Variants in N4BP3 observed in about 807,000 individuals in gnomAD.
The protein encoded by N4BP3 is NEDD4 binding protein 3, also known as NEDD4-binding protein 3.
N4BP3 carries 33 observed loss-of-function variants against 43.8 expected under a neutral mutation model. The observed-to-expected ratio is 0.75, with a 90% CI of 0.57 to 1.01. The LOEUF (loss-of-function observed/expected upper bound fraction) is 1.01, where lower values mean the gene tolerates loss of function less well. Ranked by LOEUF, N4BP3 falls within the 50% of genes least tolerant of loss-of-function variation. The pLI is 0.00. For missense variants in N4BP3, 756 were observed against 744.2 expected, an observed-to-expected ratio of 1.02 and a Z score of -0.18; for synonymous variants, 326 against 321.9, an observed-to-expected ratio of 1.01 and a Z score of -0.14.
chr5:178,114,503 A>G (rs547709673), intron 1 of N4BP3, among the ~76,000 whole-genome samples: 2 of 152,286 alleles, frequency 1.3e-5, no homozygotes, highest in Admixed American at 1.3e-4. Flanking sequence ...AGCCGAAATC[A>G]GGGCCCTGGC....
rs775502219 is a variant in N4BP3 at position 178,121,557 on chromosome 5, G to A, written c.1191G>A (p.Glu397=). The A allele has an allele frequency of 5.6e-5, 91 of 1,613,638 alleles. No homozygotes were observed. The highest frequency in any genetic ancestry group is 7.5e-5 in the Non-Finnish European group (89 of 1,180,020). Residue 397 remains glutamate, a synonymous_variant, in exon 5 of 5, where the codon GAG becomes GAA. Coordinates refer to ENST00000274605, the MANE Select transcript of N4BP3 (RefSeq NM_015111.2). ...CGGAACTGGCCCAGAAGCTGGCGGA[G>A]ATCTTCAGTCTGAAGACACAACTTC... ...AQAELAQKLA[E]IFSLKTQLRG...
At position 178,121,754 on chromosome 5, in the gene N4BP3, A is replaced by G. The variant is rs1348686558; in HGVS notation, c.1388A>G (p.Asp463Gly). The G allele has an allele frequency of 6.2e-7, 1 of 1,608,230 alleles. No homozygotes were observed. Among genetic ancestry groups the G allele is most frequent in the Non-Finnish European group, 8.5e-7 (1 of 1,179,778 alleles). Reference protein sequence around the residue: ...LGEAGGSEARDSAEQLRAELL... With the variant: ...LGEAGGSEARGSAEQLRAELL... ...GAGGCAGGAGGCAGCGAGGCCAGAG[A>G]CAGTGCTGAGCAGCTGCGGGCTGAG... is the stretch of plus-strand genomic sequence containing the variant. Residue 463 changes from aspartate to glycine, a missense_variant, in exon 5 of 5, where the codon GAC becomes GGC. Physicochemically the swap from Asp to Gly is moderately conservative, Grantham distance 94. Transcript: ENST00000274605.
In N4BP3 at chr5:178,122,819, G is replaced by T. The variant is rs1465041386; in HGVS notation, c.*818G>T. 2 of 152,170 alleles carry T rather than the reference G, an allele frequency of 1.3e-5. No homozygotes were observed. Among genetic ancestry groups the T allele is most frequent in the Non-Finnish European group, 2.9e-5 (2 of 68,040 alleles). The allele number at this position is 152,170 out of a possible 1,614,324, so 9.4% of individuals were successfully genotyped here. ...CCTGTCTCCCTCCCTCCCTCCATAG[G>T]AGTGGGGGGCCCCTAGAAGTGCTCT... is the stretch of plus-strand genomic sequence containing the variant. On this transcript the variant is annotated 3_prime_UTR_variant, in exon 5 of 5. Coordinates refer to ENST00000274605, the MANE Select transcript of N4BP3 (RefSeq NM_015111.2).
chr5:178,114,418 AG>A (rs1757723220), intron 1 of N4BP3, among the ~76,000 whole-genome samples: 2 of 152,018 alleles, frequency 1.3e-5, no homozygotes, highest in Admixed American at 6.5e-5. Flanking sequence ...GGACATTCCT[AG>A]GTCTTGACCG....
rs373000303 is a variant in N4BP3 at position 178,120,492 on chromosome 5, T to A, written c.645T>A (p.Leu215=). ...PSPFSSSLGH[L]NHLGGSLDRA... is the part of the protein sequence containing the mutation. The stretch of plus-strand genomic sequence containing the variant: ...CCTTCAGCTCCTCCCTTGGCCACCT[T>A]AACCACCTCGGGGGCTCCCTGGACC... The change falls in exon 3 of 5, where the codon CTT becomes CTA. Residue 215 remains leucine (L), a synonymous_variant. Coordinates refer to ENST00000274605, the MANE Select transcript of N4BP3 (RefSeq NM_015111.2). 1 of 1,612,930 alleles carries A rather than the reference T, an allele frequency of 6.2e-7. No homozygotes were observed. Among genetic ancestry groups the A allele is most frequent in the Non-Finnish European group, 8.5e-7 (1 of 1,179,998 alleles).
Position 178,120,389 on chromosome 5 carries a change from G to A in N4BP3, c.542G>A (p.Gly181Asp). The part of the protein sequence containing the change: ...LLHALSLDEG[G>D]PEPEPSLSDS... ...CACGCCCTCAGCCTAGATGAGGGCGGCCCTGAGCCCGAGCCCAGCCTGTCC... is the reference window on the plus strand; with the variant it reads ...CACGCCCTCAGCCTAGATGAGGGCGACCCTGAGCCCGAGCCCAGCCTGTCC... The change falls in exon 3 of 5, where the codon GGC becomes GAC. Residue 181 changes from glycine to aspartate, a missense_variant. Coordinates refer to ENST00000274605, the MANE Select transcript of N4BP3 (RefSeq NM_015111.2). The A allele has an allele frequency of 6.2e-7, 1 of 1,612,772 alleles. No homozygotes were observed. The highest frequency in any genetic ancestry group is 8.5e-7 in the Non-Finnish European group (1 of 1,179,900).
chr5:178,115,980 T>A (rs2113283641), intron 1 of N4BP3, among the ~76,000 whole-genome samples: 1 of 152,276 alleles, frequency 6.6e-6, no homozygotes, highest in Non-Finnish European at 1.5e-5. Flanking sequence ...GTGGCTTGAA[T>A]GTCCCAGCCC....
Position 178,121,512 on chromosome 5 carries a change from G to A in N4BP3, c.1146G>A (p.Gln382=), listed in dbSNP as rs778618278. The change falls in exon 5 of 5, where the codon CAG becomes CAA. Residue 382 remains glutamine, a synonymous_variant. Transcript: ENST00000274605. ...QKTAEISLLK[Q]QLREAQAELA... ...CAGCAGAGATTAGCCTCTTGAAGCA[G>A]CAGCTGCGTGAAGCCCAGGCGGAAC... The A allele has an allele frequency of 7.4e-6, 12 of 1,613,842 alleles. No homozygotes were observed. The highest frequency in any genetic ancestry group is 1.0e-5 in the Non-Finnish European group (12 of 1,180,036).
chr5:178,120,136 C>A, intron 2 of N4BP3, 42 bp from the exon 3 acceptor site: 1 of 1,527,318 alleles, frequency 6.5e-7, no homozygotes, highest in African/African-American at 1.4e-5. Flanking sequence ...AGGCAGCTGC[C>A]CAGGTCTCAC....
chr5:178,117,742 A>G (rs2113293117), intron 1 of N4BP3, among the ~76,000 whole-genome samples: 1 of 136,412 alleles, frequency 7.3e-6, no homozygotes, highest in Admixed American at 7.4e-5. Context: ...TGCATCTCCT[A>G]TGTAGCCTGC....
chr5:178,123,024 G>A lies in N4BP3; in HGVS notation c.*1023G>A, dbSNP rs1442010474. 1 of 152,304 alleles carries A rather than the reference G, an allele frequency of 6.6e-6. No individual in the cohort carries two copies. Among genetic ancestry groups the A allele is most frequent in the African/African-American group, 2.4e-5 (1 of 41,450 alleles). The allele number at this position is 152,304 out of a possible 1,614,324, so 9.4% of individuals were successfully genotyped here. The stretch of plus-strand genomic sequence containing the variant: ...ATTTGCATTCTGGAAAGCTCTCCCA[G>A]GAGGAAGCATTCCCCACCCCACCTT... On this transcript the variant is annotated 3_prime_UTR_variant, in exon 5 of 5. Transcript: ENST00000274605.
In N4BP3 at chr5:178,125,730, A is replaced by G. The variant is rs531860369; in HGVS notation, c.*3729A>G. The G allele has an allele frequency of 6.6e-6, 1 of 152,200 alleles. No homozygotes were observed. The highest frequency in any genetic ancestry group is 2.4e-5 in the African/African-American group (1 of 41,424). The allele number at this position is 152,200 out of a possible 1,614,324, so 9.4% of individuals were successfully genotyped here. A position where few individuals can be genotyped will look rare whatever the true frequency, so the allele number is the denominator to read the frequency against. The stretch of plus-strand genomic sequence containing the variant: ...CATGGTTTCATTTTGCTTTGGGCTT[A>G]CTTAGAGTTTTGGCAAATGCAGAGT... On this transcript the variant is annotated 3_prime_UTR_variant, in exon 5 of 5. Coordinates refer to ENST00000274605, the MANE Select transcript of N4BP3 (RefSeq NM_015111.2).
chr5:178,113,814 G>C (rs1250553322), intron 1 of N4BP3, 43 bp downstream of exon 1: 4 of 152,040 alleles, frequency 2.6e-5, no homozygotes, highest in Non-Finnish European at 2.9e-5. Context: ...GGCTGGACTC[G>C]GGGGGTGGGG....
At position 178,119,841 on chromosome 5, in the gene N4BP3, C is replaced by T. The variant is rs1480500353; in HGVS notation, c.258C>T (p.Leu86=). 6.2e-7 allele frequency: 1 copy of T among 1,613,164 alleles called. No homozygotes were observed. Among genetic ancestry groups the T allele is most frequent in the Middle Eastern group, 1.7e-4 (1 of 6,058 alleles). ...ACGAGCCTGCCGACTATGCCACCCT[C>T]TACTACCGGGAACATTCTCGCGCGG... ...PRNEPADYAT[L]YYREHSRAGD... is the part of the protein sequence containing the mutation. The change falls in exon 2 of 5, where the codon CTC becomes CTT. Residue 86 remains leucine (L), a synonymous_variant. Transcript: ENST00000274605.
Position 178,124,182 on chromosome 5 carries a change from C to T in N4BP3, c.*2181C>T, listed in dbSNP as rs1435499537. 6.5e-6 allele frequency: 1 copy of T among 152,760 alleles called. No homozygotes were observed. Among genetic ancestry groups the T allele is most frequent in the Non-Finnish European group, 1.5e-5 (1 of 68,118 alleles). 9.5% of individuals were successfully genotyped at this position (152,760 alleles called of 1,614,324 possible). On this transcript the variant is annotated 3_prime_UTR_variant, in exon 5 of 5. Coordinates refer to ENST00000274605, the MANE Select transcript of N4BP3 (RefSeq NM_015111.2). ...TGGTGCCAGGGTCCACCTTGGTATA[C>T]CAGCTCGGCAGAACAGTTCCCCACC...
In N4BP3 at chr5:178,122,658, C is replaced by G. The variant is rs1383772548; in HGVS notation, c.*657C>G. On this transcript the variant is annotated 3_prime_UTR_variant, in exon 5 of 5. Transcript: ENST00000274605. The stretch of plus-strand genomic sequence containing the variant: ...GCACCAGTGGAGTTTTCAGAAGGAA[C>G]AACACCAGGGAATGCCAAAAAAACA... 1.3e-5 allele frequency: 2 copies of G among 152,192 alleles called. No individual in the cohort carries two copies. Among genetic ancestry groups the G allele is most frequent in the African/African-American group, 2.4e-5 (1 of 41,426 alleles). The allele number at this position is 152,192 out of a possible 1,614,324, so 9.4% of individuals were successfully genotyped here.
chr5:178,119,493 G>T (rs879045685), intron 1 of N4BP3, 61 bp from the exon 2 acceptor site: 2 of 1,271,660 alleles, frequency 1.6e-6, no homozygotes, highest in South Asian at 3.0e-5. Flanking sequence ...TTGTTTTCAG[G>T]CCCCAGGGAA....
At chr5:178,114,935 T>C (rs968420651) in intron 1 of N4BP3, among the ~76,000 whole-genome samples, 3 of 152,148 alleles carry the variant, frequency 2.0e-5, no homozygotes, top group African/African-American at 7.2e-5. Flanking sequence ...ATGCAATACA[T>C]ACACAGCAGT....
At chr5:178,114,882 G>A (rs1347343711) in intron 1 of N4BP3, among the ~76,000 whole-genome samples, 1 of 152,196 alleles carries the variant, frequency 6.6e-6, no homozygotes, top group Admixed American at 6.5e-5. Flanking sequence ...CTGGTTGCAA[G>A]TGTCCTTGGG....
Sources: gnomAD v4.1 joint callset for allele counts (sites outside exome capture counted in the v4.1 genomes callset) on GRCh38, gnomAD v4.1.1 for gene constraint, MANE v1.5 for transcripts, NCBI Gene and HGNC (gene_info 2026-07-23, HGNC 2026-07-21) for gene names.